PLG: variants seen among roughly 807,000 people sequenced by gnomAD.
PLG encodes the protein plasmin.
A neutral mutation model predicts 104.4 loss-of-function variants in PLG; 41 were observed. The observed-to-expected ratio is 0.39, with a 90% CI of 0.31 to 0.51. PLG has a LOEUF of 0.51. Among genes scored for constraint, PLG ranks in the 20% least tolerant of loss-of-function variants. The probability of loss-of-function intolerance (pLI) is 0.76; values close to 1 mark genes in which losing one functional copy is unlikely to be tolerated. For synonymous variants in PLG, 337 were observed against 357.1 expected (o/e 0.94, Z 0.63); for missense variants, 891 against 1,003.6 (o/e 0.89, Z 1.52).
In PLG at chr6:160,752,319, C is replaced by T; in HGVS notation, c.2271+59C>T. On this transcript the variant is annotated intron_variant, in intron 18 of 18. Coordinates refer to ENST00000308192, the MANE Select transcript of PLG (RefSeq NM_000301.5). The surrounding 1 kb of genome is among the most constrained non-coding windows in gnomAD (Gnocchi z 4.7). The stretch of plus-strand genomic sequence containing the variant: ...GTGCTCTCTTGTCTCAGTCTCAGCC[C>T]CTCAGACTTCATTCCCCAGGTGGCA... 6.7e-7 allele frequency: 1 copy of T among 1,492,222 alleles called. No individual in the cohort carries two copies. The highest frequency in any genetic ancestry group is 9.3e-7 in the Non-Finnish European group (1 of 1,069,874). 92.4% of individuals were successfully genotyped at this position (1,492,222 alleles called of 1,614,324 possible).
At chr6:160,713,574 GAATT>G (rs1295786103) in intron 5 of PLG, among the ~76,000 whole-genome samples, 3 of 152,098 alleles carry the variant, frequency 2.0e-5, no homozygotes, top group African/African-American at 7.2e-5. Context: ...CAGCAGACCT[GAATT>G]ATTTTTATTA....
chr6:160,748,990 C>T (rs1411784979), intron 17 of PLG, among the ~76,000 whole-genome samples: 1 of 152,202 alleles, frequency 6.6e-6, no homozygotes, highest in Non-Finnish European at 1.5e-5. Flanking sequence ...CACACTCATA[C>T]CAAGATGGGG....
chr6:160,721,954 G>C (rs1215776909), intron 9 of PLG, among the ~76,000 whole-genome samples: 1 of 152,180 alleles, frequency 6.6e-6, no homozygotes, highest in African/African-American at 2.4e-5. Context: ...CTAGATGCAG[G>C]ACCATCTCCT....
Position 160,714,788 on chromosome 6 carries a change from G to A in PLG, c.548-6G>A. ...CCTCTCTGTCCTTCCTTCCCACTCT[G>A]TCCAGAGGAATGTATGCATTGCAGT... On this transcript the variant is annotated splice_polypyrimidine_tract_variant and splice_region_variant and intron_variant, in intron 5 of 18. Coordinates refer to ENST00000308192, the MANE Select transcript of PLG (RefSeq NM_000301.5). The A allele has an allele frequency of 6.2e-7, 1 of 1,613,606 alleles. No individual in the cohort carries two copies. The highest frequency in any genetic ancestry group is 8.5e-7 in the Non-Finnish European group (1 of 1,179,662).
chr6:160,732,812 C>T lies in PLG; in HGVS notation c.1587+919C>T, dbSNP rs1778020380. 6.6e-6 allele frequency among the ~76,000 whole-genome samples: 1 copy of T among 152,182 alleles called. No individual in the cohort carries two copies. The highest frequency in any genetic ancestry group is 1.5e-5 in the Non-Finnish European group (1 of 68,036). On this transcript the variant is annotated intron_variant, in intron 12 of 18. Transcript: ENST00000308192. The surrounding 1 kb of genome is among the most constrained non-coding windows in gnomAD (Gnocchi z 4.5). ...GGGCTCAGAGTTTCCATGCCCTCTC[C>T]AGTGCACCAGCCCCCGGTACCCCAA...
Position 160,708,866 on chromosome 6 carries a change from T to C in PLG, c.292+1060T>C, listed in dbSNP as rs556903412. On this transcript the variant is annotated intron_variant, in intron 3 of 18. Coordinates refer to ENST00000308192, the MANE Select transcript of PLG (RefSeq NM_000301.5). ...CACTATTTATCTCGAATTCTTGAGA[T>C]TAAAGTGCAGATTAAATCTAAACTT... Among the ~76,000 whole-genome samples, 3 of 152,288 alleles carry C rather than the reference T, an allele frequency of 2.0e-5. No homozygotes were observed. The East Asian group carries it at 5.8e-4, about 29-fold the overall frequency.
In PLG at chr6:160,734,105, T is replaced by C. The variant is rs1411688778; in HGVS notation, c.1681+17T>C. 2.1e-6 allele frequency: 3 copies of C among 1,435,814 alleles called. No individual in the cohort carries two copies. Among genetic ancestry groups the C allele is most frequent in the Non-Finnish European group, 2.0e-6 (2 of 1,018,144 alleles). The allele number at this position is 1,435,814 out of a possible 1,614,324, so 88.9% of individuals were successfully genotyped here. Reference sequence around the variant, plus strand: ...CTCAGTGTGGTAGGTTGCCTTCTTTTTGGTAAGGAAACTGCTTACTTAATA... The same window carrying C: ...CTCAGTGTGGTAGGTTGCCTTCTTTCTGGTAAGGAAACTGCTTACTTAATA... On this transcript the variant is annotated intron_variant, in intron 13 of 18. Transcript: ENST00000308192. The surrounding 1 kb of genome is among the most constrained non-coding windows in gnomAD (Gnocchi z 4.4).
rs902548183 is a variant in PLG at position 160,732,332 on chromosome 6, G to T, written c.1587+439G>T. On this transcript the variant is annotated intron_variant, in intron 12 of 18. Coordinates refer to ENST00000308192, the MANE Select transcript of PLG (RefSeq NM_000301.5). This position sits in a 1 kb window ranked among gnomAD's most constrained non-coding sequence, Gnocchi z 4.5. ...TGCATTCTCTGCGATGGTTTACTTTGGGGCCTATGAATAGGGAAGACTGAG... is the reference window on the plus strand; with the variant it reads ...TGCATTCTCTGCGATGGTTTACTTTTGGGCCTATGAATAGGGAAGACTGAG... Among the ~76,000 whole-genome samples the T allele has an allele frequency of 3.3e-5, 5 of 152,148 alleles. No homozygotes were observed. Among genetic ancestry groups the T allele is most frequent in the Non-Finnish European group, 7.3e-5 (5 of 68,030 alleles).
intron 7 of PLG, among the ~76,000 whole-genome samples, chr6:160,717,394 C>T (rs1376184781): frequency 6.6e-6 from 1 of 152,178 alleles, no homozygotes; most frequent in Non-Finnish European, 1.5e-5. Context: ...CCCTCCTTTC[C>T]TCTGACATGT....
rs576608298 is a variant in PLG, at chr6:160,736,192, A to G, written c.1682-695A>G. On this transcript the variant is annotated intron_variant, in intron 13 of 18. Coordinates refer to ENST00000308192, the MANE Select transcript of PLG (RefSeq NM_000301.5). The surrounding 1 kb of genome is among the most constrained non-coding windows in gnomAD (Gnocchi z 5.2). The stretch of plus-strand genomic sequence containing the variant: ...GTACCAAAGATGGGACACTGTCCCT[A>G]CCTCCAGAGACCCTGTGGGCTGGCT... Among the ~76,000 whole-genome samples, 1 of 152,256 alleles carries G rather than the reference A, an allele frequency of 6.6e-6. No homozygotes were observed. Among genetic ancestry groups the G allele is most frequent in the African/African-American group, 2.4e-5 (1 of 41,556 alleles).
chr6:160,718,238 G>T, intron 7 of PLG, 56 bp from the exon 8 acceptor site: 1 of 1,491,584 alleles, frequency 6.7e-7, no homozygotes, highest in Non-Finnish European at 9.3e-7. Flanking sequence ...GCGACAGAGC[G>T]AGACTCCGTC....
chr6:160,705,709 T>C lies in PLG; in HGVS notation c.50-698T>C, dbSNP rs148243035. ...CATTCAGAGGATGCTTCCCACCGGTTCAAGTGACAGTGCCAGAACCAAAGC... is the reference window on the plus strand; with the variant it reads ...CATTCAGAGGATGCTTCCCACCGGTCCAAGTGACAGTGCCAGAACCAAAGC... On this transcript the variant is annotated intron_variant, in intron 1 of 18. Coordinates refer to ENST00000308192, the MANE Select transcript of PLG (RefSeq NM_000301.5). The C allele has an allele frequency of 7.0e-3, 1,060 of 152,406 alleles. 15 individuals are homozygous for C. Among genetic ancestry groups the C allele is most frequent in the South Asian group, 0.051 (248 of 4,822 alleles). The allele number at this position is 152,406 out of a possible 1,614,324, so 9.4% of individuals were successfully genotyped here. A position where few individuals can be genotyped will look rare whatever the true frequency, so the allele number is the denominator to read the frequency against.
Position 160,714,914 on chromosome 6 carries a change from A to C in PLG, c.668A>C (p.Lys223Thr). The C allele has an allele frequency of 6.2e-7, 1 of 1,613,740 alleles. No homozygotes were observed. The highest frequency in any genetic ancestry group is 8.5e-7 in the Non-Finnish European group (1 of 1,179,706). ...CACGCTCATGGATACATTCCTTCCA[A>C]GTAAGTCTCACTGGGAAAAACATTC... ...SPHAHGYIPS[K>T]FPNKNLKKNY... The change falls in exon 6 of 19, where the codon AAA (lysine) becomes ACA (threonine). Residue 223 changes from lysine (K) to threonine (T), a missense_variant and splice_region_variant. This residue lies in a region of PLG where 854 missense variants were observed against 932.1 expected (regional missense o/e 0.92). Transcript: ENST00000308192.
intron 4 of PLG, 182 bp downstream of exon 4, chr6:160,711,373 T>C: frequency 2.9e-6 from 2 of 695,824 alleles, no homozygotes; most frequent in Admixed American, 2.9e-5. Flanking sequence ...CCTAATATAA[T>C]GTAAATGCTA....
At chr6:160,747,288 A>G (rs1384568144) in intron 17 of PLG, among the ~76,000 whole-genome samples, 1 of 152,184 alleles carries the variant, frequency 6.6e-6, no homozygotes, top group African/African-American at 2.4e-5. Context: ...CTTGTGCAGG[A>G]TATGGTATCA....
chr6:160,709,925 T>G (rs1440279526), intron 3 of PLG, among the ~76,000 whole-genome samples: 3 of 152,236 alleles, frequency 2.0e-5, no homozygotes, highest in African/African-American at 7.2e-5. Flanking sequence ...TTTTATATTT[T>G]CATTGAAAAC....
Position 160,731,307 on chromosome 6 carries a change from G to T in PLG, c.1438+75G>T. On this transcript the variant is annotated intron_variant, in intron 11 of 18. Transcript: ENST00000308192. The surrounding 1 kb of genome is among the most constrained non-coding windows in gnomAD (Gnocchi z 5.1). ...AGCCATGGAAAATCTCACTGATGCAGAAACCTTCCATGCTACACGAGAAAT... is the reference window on the plus strand; with the variant it reads ...AGCCATGGAAAATCTCACTGATGCATAAACCTTCCATGCTACACGAGAAAT... The T allele has an allele frequency of 7.8e-7, 1 of 1,284,104 alleles. No homozygotes were observed. Among genetic ancestry groups the T allele is most frequent in the Non-Finnish European group, 1.1e-6 (1 of 881,510 alleles). The allele number at this position is 1,284,104 out of a possible 1,614,324, so 79.5% of individuals were successfully genotyped here.
At position 160,716,696 on chromosome 6, in the gene PLG, G is replaced by C. The variant is rs142604256; in HGVS notation, c.720G>C (p.Glu240Asp). ...KKNYCRNPDR[E>D]LRPWCFTTDP... ...ATTACTGTCGTAACCCCGATAGGGA[G>C]CTGCGGCCTTGGTGTTTCACCACCG... Residue 240 changes from glutamate (E) to aspartate (D), a missense_variant, in exon 7 of 19, where the codon GAG (glutamate) becomes GAC (aspartate). Physicochemically the swap from Glu to Asp is conservative, Grantham distance 45 (BLOSUM62 2). Around this residue, in one of 2 missense-constraint regions of PLG, gnomAD observed 854 missense variants for 932.1 expected, o/e 0.92. Coordinates refer to ENST00000308192, the MANE Select transcript of PLG (RefSeq NM_000301.5). 1 of 1,613,848 alleles carries C rather than the reference G, an allele frequency of 6.2e-7. No homozygotes were observed. The highest frequency in any genetic ancestry group is 1.3e-5 in the African/African-American group (1 of 75,052).
chr6:160,732,338 T>A lies in PLG; in HGVS notation c.1587+445T>A, dbSNP rs1213068558. ...CTCTGCGATGGTTTACTTTGGGGCC[T>A]ATGAATAGGGAAGACTGAGATATAG... On this transcript the variant is annotated intron_variant, in intron 12 of 18. Transcript: ENST00000308192. This position sits in a 1 kb window ranked among gnomAD's most constrained non-coding sequence, Gnocchi z 4.5. Among the ~76,000 whole-genome samples, 1 of 152,202 alleles carries A rather than the reference T, an allele frequency of 6.6e-6. No individual in the cohort carries two copies. Among genetic ancestry groups the A allele is most frequent in the Non-Finnish European group, 1.5e-5 (1 of 68,032 alleles).
Sources: allele counts gnomAD v4.1 joint callset (sites outside exome capture counted in the v4.1 genomes callset), GRCh38; gene constraint gnomAD v4.1.1; regional missense constraint gnomAD v4.1.1; non-coding constraint Gnocchi (gnomAD v3.1); transcripts MANE v1.5; gene names NCBI Gene and HGNC (gene_info 2026-07-23, HGNC 2026-07-21).